The following LRRC1 variants were observed in gnomAD, a reference collection of about 807,000 sequenced individuals.
LRRC1 encodes leucine-rich repeat-containing protein 1.
In LRRC1, 28 loss-of-function variants were observed where a neutral mutation model predicts 69.9. The ratio of observed to expected loss-of-function variants is 0.40; its 90% CI spans 0.30 to 0.55. The LOEUF is 0.55. LRRC1 is among the 20% of genes least tolerant of loss of function. LRRC1 has a pLI of 0.47. For synonymous variants in LRRC1, 236 were observed against 240.2 expected (o/e 0.98, Z 0.16); for missense variants, 498 against 609.0 (o/e 0.82, Z 1.92).
chr6:53,859,991 C>T (rs936998214), intron 2 of LRRC1, among the ~76,000 whole-genome samples: 1 of 152,122 alleles, frequency 6.6e-6, no homozygotes, highest in East Asian at 1.9e-4. Context: ...ACTTCCACCT[C>T]AGCAAAAGCT....
At chr6:53,799,620 T>C (rs972027660) in intron 1 of LRRC1, among the ~76,000 whole-genome samples, 1 of 152,254 alleles carries the variant, frequency 6.6e-6, no homozygotes, top group African/African-American at 2.4e-5. Flanking sequence ...AGAATCTTCA[T>C]GCATTGTAAA....
At chr6:53,828,074 C>T (rs1765324366) in intron 1 of LRRC1, among the ~76,000 whole-genome samples, 1 of 149,196 alleles carries the variant, frequency 6.7e-6, no homozygotes, top group Non-Finnish European at 1.5e-5. Flanking sequence ...TGGTCCTATG[C>T]ATGTGGAAGT....
At chr6:53,919,221 TTC>T (rs200770019) in intron 11 of LRRC1, 1 of 103,428 alleles carries the variant, frequency 9.7e-6, no homozygotes, top group East Asian at 5.6e-4. Context: ...TCCTGTAATT[TTC>T]TCTCTCTTTT....
At position 53,835,873 on chromosome 6, in the gene LRRC1, C is replaced by G. The variant is rs529372536; in HGVS notation, c.160-6237C>G. ...ACCAATTTTTTCCCACCCTCTCCCT[C>G]TTTTTAACATGATTTTTGCCATTCC... On this transcript the variant is annotated intron_variant, in intron 1 of 13. Coordinates refer to ENST00000370888, the MANE Select transcript of LRRC1 (RefSeq NM_018214.5). Among the ~76,000 whole-genome samples the G allele has an allele frequency of 2.3e-3, 344 of 152,280 alleles. 1 individual carries two copies. Among genetic ancestry groups the G allele is most frequent in the African/African-American group, 7.9e-3 (327 of 41,564 alleles).
At chr6:53,834,323 T>C (rs1033426011) in intron 1 of LRRC1, among the ~76,000 whole-genome samples, 2 of 152,218 alleles carry the variant, frequency 1.3e-5, no homozygotes, top group African/African-American at 4.8e-5. Flanking sequence ...TGCTCTCACA[T>C]GTAGGTTTCA....
chr6:53,896,141 A>G (rs545663171), intron 4 of LRRC1, among the ~76,000 whole-genome samples: 50 of 152,208 alleles, frequency 3.3e-4, no homozygotes, highest in Admixed American at 7.8e-4. Context: ...GGCATTTGAA[A>G]GTCTAGATGC....
chr6:53,855,807 A>G (rs989496750), intron 2 of LRRC1, among the ~76,000 whole-genome samples: 3 of 151,988 alleles, frequency 2.0e-5, no homozygotes, highest in African/African-American at 7.3e-5. Flanking sequence ...TCTATTCAGG[A>G]GCTATGCATT....
At chr6:53,812,487 G>C (rs982148863) in intron 1 of LRRC1, among the ~76,000 whole-genome samples, 3 of 150,644 alleles carry the variant, frequency 2.0e-5, no homozygotes, top group African/African-American at 7.4e-5. Context: ...TCAGGAGATC[G>C]AGACCATCCT....
chr6:53,920,668 T>A lies in LRRC1; in HGVS notation c.1323T>A (p.Asp441Glu). The A allele has an allele frequency of 6.2e-7, 1 of 1,614,212 alleles. No homozygotes were observed. The highest frequency in any genetic ancestry group is 8.5e-7 in the Non-Finnish European group (1 of 1,180,008). ...RCGALENLVN[D>E]VSDEAWNERA... ...GTGCACTGGAGAACTTGGTAAATGA[T>A]GTCTCTGATGAAGCCTGGAACGAGC... Residue 441 changes from aspartate (D) to glutamate (E), a missense_variant, in exon 13 of 14, where the codon GAT (aspartate) becomes GAA (glutamate). Around this residue, in one of 3 missense-constraint regions of LRRC1, gnomAD observed 162 missense variants for 162.9 expected, o/e 0.99. Coordinates refer to ENST00000370888, the MANE Select transcript of LRRC1 (RefSeq NM_018214.5).
intron 1 of LRRC1, among the ~76,000 whole-genome samples, chr6:53,797,426 C>A (rs1232819396): frequency 2.6e-5 from 4 of 152,126 alleles, no homozygotes; most frequent in African/African-American, 9.7e-5. Context: ...GACATGAGAA[C>A]CACCTTGCAA....
intron 1 of LRRC1, among the ~76,000 whole-genome samples, chr6:53,824,663 C>T (rs995866547): frequency 6.6e-6 from 1 of 152,164 alleles, no homozygotes; most frequent in Non-Finnish European, 1.5e-5. Context: ...TGCTTTTCTG[C>T]TTCATGCAAA....
intron 13 of LRRC1, 162 bp downstream of exon 13, chr6:53,920,923 C>A: frequency 1.4e-6 from 1 of 734,894 alleles, no homozygotes; most frequent in Non-Finnish European, 2.2e-6. Context: ...TCTAGGTACT[C>A]ACTCACAAAA....
intron 4 of LRRC1, among the ~76,000 whole-genome samples, chr6:53,894,822 C>G (rs527906633): frequency 6.6e-6 from 1 of 152,260 alleles, no homozygotes; most frequent in African/African-American, 2.4e-5. Flanking sequence ...TACGTAAACA[C>G]TTGGTCAAGA....
intron 1 of LRRC1, among the ~76,000 whole-genome samples, chr6:53,810,246 A>G (rs142566079): frequency 5.4e-4 from 82 of 152,308 alleles, no homozygotes; most frequent in African/African-American, 1.7e-3. Context: ...GTTTAACCCT[A>G]TGTCTTCTGC....
rs1482246647 is a variant in LRRC1 at position 53,919,603 on chromosome 6, C to T, written c.1212C>T (p.Tyr404=). Residue 404 remains tyrosine, a synonymous_variant, in exon 12 of 14, where the codon TAC becomes TAT. Coordinates refer to ENST00000370888, the MANE Select transcript of LRRC1 (RefSeq NM_018214.5). ...TTACATTCCAGACAGACACAGACTA[C>T]ACCACAGGAGAGAAGATTTTAACCT... ...PLLTFQTDTD[Y]TTGEKILTCV... The T allele has an allele frequency of 4.3e-6, 7 of 1,613,810 alleles. No individual in the cohort carries two copies. The highest frequency in any genetic ancestry group is 1.1e-5 in the South Asian group (1 of 91,076).
chr6:53,853,919 T>G (rs1766226051), intron 2 of LRRC1, among the ~76,000 whole-genome samples: 1 of 152,210 alleles, frequency 6.6e-6, no homozygotes, highest in South Asian at 2.1e-4. Flanking sequence ...GGATATTCAC[T>G]AAGCACTGTG....
At chr6:53,902,772 A>G in intron 9 of LRRC1, 25 bp downstream of exon 9, 1 of 1,388,634 alleles carries the variant, frequency 7.2e-7, no homozygotes, top group Non-Finnish European at 1.0e-6. Flanking sequence ...CACATATATC[A>G]TAAAGACTTA....
chr6:53,796,412 G>A (rs777658579), intron 1 of LRRC1, among the ~76,000 whole-genome samples: 3 of 152,134 alleles, frequency 2.0e-5, no homozygotes, highest in African/African-American at 7.2e-5. Context: ...ATAATCCAAA[G>A]GTGTGCAGGA....
At chr6:53,865,393 G>C (rs1333703038) in intron 2 of LRRC1, among the ~76,000 whole-genome samples, 1 of 152,046 alleles carries the variant, frequency 6.6e-6, no homozygotes, top group East Asian at 1.9e-4. Flanking sequence ...ACTCAAATGG[G>C]GAAATTGTTT....
Sources: gnomAD v4.1 joint callset for allele counts (sites outside exome capture counted in the v4.1 genomes callset) on GRCh38, gnomAD v4.1.1 for gene constraint, gnomAD v4.1.1 regional missense constraint, MANE v1.5 for transcripts, NCBI Gene and HGNC (gene_info 2026-07-23, HGNC 2026-07-21) for gene names.